DUS2: variants seen among roughly 807,000 people sequenced by gnomAD.
DUS2 encodes dihydrouridine synthase 2.
Under a neutral mutation model 71.3 loss-of-function variants are expected in DUS2, and 52 were observed. That is an observed-to-expected ratio of 0.73 (90% CI 0.58 to 0.92). The LOEUF (loss-of-function observed/expected upper bound fraction) is 0.92, where lower values mean the gene tolerates loss of function less well. Among genes scored for constraint, DUS2 ranks in the 40% least tolerant of loss-of-function variants. The pLI is 0.00. For missense variants in DUS2, 558 were observed against 622.6 expected (o/e 0.90, Z 1.10); for synonymous variants, 204 against 227.8 (o/e 0.90, Z 0.94).
intron 11 of DUS2, 33 bp downstream of exon 11, chr16:68,070,253 T>G: frequency 6.3e-7 from 1 of 1,579,190 alleles, no homozygotes; most frequent in Non-Finnish European, 8.7e-7. Flanking sequence ...GTACTCTGTG[T>G]CCCACAGAGC....
chr16:68,053,436 A>G, intron 4 of DUS2, 128 bp from the exon 5 acceptor site: 1 of 799,806 alleles, frequency 1.3e-6, no homozygotes, highest in East Asian at 2.7e-5. Context: ...TTTTGGTAAG[A>G]ATGGTATACA....
At chr16:68,065,036 A>G (rs951329404) in intron 8 of DUS2, among the ~76,000 whole-genome samples, 3 of 152,232 alleles carry the variant, frequency 2.0e-5, no homozygotes, top group Non-Finnish European at 2.9e-5. Context: ...TGATGAGGGA[A>G]GAAGATAGCA....
chr16:68,073,303 C>T (rs2034112752), intron 12 of DUS2, among the ~76,000 whole-genome samples: 1 of 152,238 alleles, frequency 6.6e-6, no homozygotes, highest in Admixed American at 6.5e-5. Context: ...GATAGGGTCT[C>T]AGTCTGTTGC....
chr16:68,050,960 C>A (rs1033508441), intron 4 of DUS2, among the ~76,000 whole-genome samples: 1 of 152,246 alleles, frequency 6.6e-6, no homozygotes, highest in Non-Finnish European at 1.5e-5. Context: ...TTGATTACCT[C>A]TCTCAACATG....
chr16:68,050,942 T>A (rs1026557960), intron 4 of DUS2, among the ~76,000 whole-genome samples: 1 of 152,260 alleles, frequency 6.6e-6, no homozygotes, highest in Non-Finnish European at 1.5e-5. Flanking sequence ...TCTCTGTCAG[T>A]GATCACTTTG....
In DUS2 at chr16:68,061,050, G is replaced by A; in HGVS notation, c.370-16G>A. The A allele has an allele frequency of 6.2e-7, 1 of 1,613,630 alleles. No individual in the cohort carries two copies. The highest frequency in any genetic ancestry group is 8.5e-7 in the Non-Finnish European group (1 of 1,179,660). On this transcript the variant is annotated splice_polypyrimidine_tract_variant and intron_variant, in intron 7 of 16. Transcript: ENST00000565263. ...TCTCCCAGATGTAAGAAGACCTTTT[G>A]TGTGTTTCTCCTTAGGGAGGAATGG...
At chr16:68,061,596 C>T (rs1490983821) in intron 8 of DUS2, among the ~76,000 whole-genome samples, 1 of 152,188 alleles carries the variant, frequency 6.6e-6, no homozygotes. Context: ...GGGCCAGGGT[C>T]AGAGGAGGCA....
chr16:68,066,595 G>A lies in DUS2; in HGVS notation c.513G>A (p.Arg171=). The A allele has an allele frequency of 6.2e-7, 1 of 1,614,216 alleles. No homozygotes were observed. The highest frequency in any genetic ancestry group is 8.5e-7 in the Non-Finnish European group (1 of 1,180,022). The change falls in exon 10 of 17, where the codon CGG becomes CGA. Residue 171 remains arginine, a synonymous_variant. Coordinates refer to ENST00000565263, the MANE Select transcript of DUS2 (RefSeq NM_017803.5). ...SLEDTLSLVK[R]IERTGIAAIA... ...AAGATACCCTGAGCCTTGTGAAGCGGATAGAGAGGACTGGCATTGCTGCCA... is the reference window on the plus strand; with the variant it reads ...AAGATACCCTGAGCCTTGTGAAGCGAATAGAGAGGACTGGCATTGCTGCCA...
At chr16:68,072,802 T>C (rs2151426045) in intron 12 of DUS2, among the ~76,000 whole-genome samples, 1 of 152,348 alleles carries the variant, frequency 6.6e-6, no homozygotes, top group African/African-American at 2.4e-5. Flanking sequence ...TTCCACTGGG[T>C]GTCCCAGGCA....
At chr16:68,078,129 C>T (rs1387102343) in intron 15 of DUS2, 2 of 387,670 alleles carry the variant, frequency 5.2e-6, no homozygotes, top group Non-Finnish European at 9.6e-6. Context: ...CCTTCTCACC[C>T]TTTTGGCATC....
chr16:68,053,594 CT>C lies in DUS2; in HGVS notation c.204del (p.Asp69MetfsTer35), dbSNP rs766911472. ...CTCAGCACAGTGGACTTTGTCGCCC[CT>C]GATGATCGAGTTGTCTTCCGCACCT... The part of the protein sequence containing the change: ...EVLSTVDFVA[P>X]DDRVVFRTCE... On this transcript the variant is annotated frameshift_variant, in exon 5 of 17. Transcript: ENST00000565263. LOFTEE classifies it high-confidence loss of function. 17 of 1,614,220 alleles carry C rather than the reference CT, an allele frequency of 1.1e-5. No homozygotes were observed. In the South Asian group the frequency reaches 1.6e-4, roughly 16 times the overall value.
chr16:68,048,876 A>C (rs1210320420), intron 3 of DUS2, among the ~76,000 whole-genome samples: 2 of 152,150 alleles, frequency 1.3e-5, no homozygotes, highest in Non-Finnish European at 2.9e-5. Context: ...AGAGAATCTC[A>C]GTCCTCCAGC....
intron 8 of DUS2, 28 bp downstream of exon 8, chr16:68,061,141 G>A (rs759992690): frequency 9.3e-6 from 15 of 1,612,038 alleles, no homozygotes; most frequent in African/African-American, 1.3e-5. Context: ...GAAAGCAGGG[G>A]TCCTCAAACA....
intron 3 of DUS2, among the ~76,000 whole-genome samples, chr16:68,041,644 C>A (rs2033626455): frequency 6.6e-6 from 1 of 151,902 alleles, no homozygotes; most frequent in African/African-American, 2.4e-5. Context: ...GAAGCTCTGT[C>A]TCTACTAAAA....
chr16:68,070,409 G>A (rs2034067477), intron 11 of DUS2, among the ~76,000 whole-genome samples, 189 bp downstream of exon 11: 1 of 152,198 alleles, frequency 6.6e-6, no homozygotes, highest in Non-Finnish European at 1.5e-5. Context: ...CCTGTCTCAG[G>A]ACTGAGGCTG....
At chr16:68,053,096 A>G (rs1407215103) in intron 4 of DUS2, among the ~76,000 whole-genome samples, 1 of 151,402 alleles carries the variant, frequency 6.6e-6, no homozygotes, top group African/African-American at 2.4e-5. Flanking sequence ...TCGAGTAGCT[A>G]GGGTTACAGG....
At chr16:68,035,390 C>G (rs1435484349) in intron 2 of DUS2, among the ~76,000 whole-genome samples, 1 of 147,706 alleles carries the variant, frequency 6.8e-6, no homozygotes, top group Non-Finnish European at 1.5e-5. Flanking sequence ...TCTGTGTTTT[C>G]CTTTTTTTTT....
At chr16:68,034,635 G>C (rs2033490212) in intron 2 of DUS2, among the ~76,000 whole-genome samples, 1 of 152,154 alleles carries the variant, frequency 6.6e-6, no homozygotes, top group Non-Finnish European at 1.5e-5. Context: ...CAAAGCACTG[G>C]AATTATAGCA....
At chr16:68,075,115 C>T (rs557100190) in intron 13 of DUS2, among the ~76,000 whole-genome samples, 151 of 152,294 alleles carry the variant, frequency 9.9e-4, no homozygotes, top group Non-Finnish European at 1.8e-3. Context: ...ACCTTTACAA[C>T]CTTTGCCACC....
Sources: gnomAD v4.1 joint callset for allele counts (sites outside exome capture counted in the v4.1 genomes callset) on GRCh38, gnomAD v4.1.1 for gene constraint, MANE v1.5 for transcripts, NCBI Gene and HGNC (gene_info 2026-07-23, HGNC 2026-07-21) for gene names.